WWP2: variants seen among roughly 807,000 people sequenced by gnomAD.
The protein encoded by WWP2 is WW domain containing E3 ubiquitin protein ligase 2.
WWP2 carries 57 observed loss-of-function variants against 121.0 expected under a neutral mutation model. That is an observed-to-expected ratio of 0.47 (90% confidence interval 0.38 to 0.59). The LOEUF (loss-of-function observed/expected upper bound fraction) is 0.59. Ranked by LOEUF, WWP2 falls within the 20% of genes least tolerant of loss-of-function variation. The pLI, the probability that WWP2 is intolerant of heterozygous loss-of-function variation, is 0.00. For missense variants in WWP2, 962 were observed against 1,158.9 expected, an observed-to-expected ratio of 0.83 and a Z score of 2.47; for synonymous variants, 449 against 441.3, an observed-to-expected ratio of 1.02 and a Z score of -0.22.
chr16:69,866,110 A>G (rs1299803883), intron 6 of WWP2, among the ~76,000 whole-genome samples: 1 of 152,150 alleles, frequency 6.6e-6, no homozygotes, highest in African/African-American at 2.4e-5. Flanking sequence ...CTTCTTGGCC[A>G]AGAGGGGGTC....
intron 10 of WWP2, among the ~76,000 whole-genome samples, chr16:69,924,546 A>C (rs1360197549): frequency 6.6e-6 from 1 of 152,170 alleles, no homozygotes; most frequent in Non-Finnish European, 1.5e-5. Context: ...GGTCCACTGC[A>C]GTCCATCCCC....
At chr16:69,816,523 C>G (rs1021905879) in intron 4 of WWP2, among the ~76,000 whole-genome samples, 3 of 149,174 alleles carry the variant, frequency 2.0e-5, no homozygotes, top group Non-Finnish European at 3.0e-5. Flanking sequence ...CATTCTTGAG[C>G]AAGCTAATAA....
intron 8 of WWP2, among the ~76,000 whole-genome samples, chr16:69,892,589 A>G (rs1457744401): frequency 6.6e-6 from 1 of 152,174 alleles, no homozygotes; most frequent in African/African-American, 2.4e-5. Flanking sequence ...GCTGGAGTGC[A>G]GTTGTGCAAT....
chr16:69,841,927 A>G, intron 5 of WWP2, 97 bp from the exon 6 acceptor site: 1 of 1,259,466 alleles, frequency 7.9e-7, no homozygotes, highest in Non-Finnish European at 1.1e-6. Context: ...GGGCAACTCT[A>G]ACACACAGAC....
intron 1 of WWP2, among the ~76,000 whole-genome samples, chr16:69,783,671 C>G (rs1282015877): frequency 6.6e-6 from 1 of 151,974 alleles, no homozygotes; most frequent in East Asian, 1.9e-4. Context: ...TTTGGCCAGG[C>G]TTGGTGGCTC....
At chr16:69,897,462 A>G (rs2058123018) in intron 8 of WWP2, among the ~76,000 whole-genome samples, 1 of 152,100 alleles carries the variant, frequency 6.6e-6, no homozygotes, top group East Asian at 1.9e-4. Flanking sequence ...AGATGTTACC[A>G]GTACAGCTGA....
At position 69,930,358 on chromosome 16, in the gene WWP2, G is replaced by T. The variant is rs879150980; in HGVS notation, c.1445+100G>T. On this transcript the variant is annotated intron_variant, in intron 13 of 23. Transcript: ENST00000359154. ...CCACTTTGGGTGGCCCCTGTGGTGC[G>T]TTCTACTGCCCTTACTGCCCTCTAG... The T allele has an allele frequency of 1.2e-5, 18 of 1,536,970 alleles. 1 individual carries two copies. In the South Asian group the frequency reaches 2.3e-4, roughly 19 times the overall value.
At chr16:69,772,414 T>C (rs2055436651) in intron 1 of WWP2, among the ~76,000 whole-genome samples, 2 of 152,002 alleles carry the variant, frequency 1.3e-5, no homozygotes, top group Admixed American at 1.3e-4. Flanking sequence ...GCCCCAAAAC[T>C]GGGGGTTAGT....
At chr16:69,793,651 C>G (rs1481667959) in intron 2 of WWP2, among the ~76,000 whole-genome samples, 2 of 151,322 alleles carry the variant, frequency 1.3e-5, no homozygotes, top group Non-Finnish European at 2.9e-5. Context: ...CGGGCCCAGG[C>G]AAAGTCAGTA....
At chr16:69,891,384 A>G (rs911245411) in intron 8 of WWP2, among the ~76,000 whole-genome samples, 2 of 152,184 alleles carry the variant, frequency 1.3e-5, no homozygotes, top group African/African-American at 4.8e-5. Flanking sequence ...TTGGAGTGCT[A>G]TCTCTTAGGA....
Position 69,800,629 on chromosome 16 carries a change from A to G in WWP2, c.340+1334A>G, listed in dbSNP as rs1373116264. On this transcript the variant is annotated intron_variant, in intron 4 of 23. Coordinates refer to ENST00000359154, the MANE Select transcript of WWP2 (RefSeq NM_001270454.2). ...GCCCAGGCTGGAGTGTAGTGGTGCAATCTCGGCTCACTGCAACCTCCGCCT... is the reference window on the plus strand; with the variant it reads ...GCCCAGGCTGGAGTGTAGTGGTGCAGTCTCGGCTCACTGCAACCTCCGCCT... Among the ~76,000 whole-genome samples the G allele has an allele frequency of 5.3e-5, 8 of 150,586 alleles. No individual in the cohort carries two copies. In the East Asian group the frequency reaches 1.4e-3, roughly 26 times the overall value.
intron 6 of WWP2, among the ~76,000 whole-genome samples, chr16:69,856,422 C>T: frequency 6.6e-6 from 1 of 151,942 alleles, no homozygotes; most frequent in East Asian, 1.9e-4. Flanking sequence ...CAAATTGTAC[C>T]CTTAGAAAGG....
At chr16:69,804,934 C>G (rs1163395006) in intron 4 of WWP2, among the ~76,000 whole-genome samples, 2 of 152,050 alleles carry the variant, frequency 1.3e-5, no homozygotes, top group African/African-American at 4.8e-5. Context: ...TGTCTTCTAA[C>G]TCAGTATTGT....
chr16:69,908,283 A>G (rs1272570138), intron 8 of WWP2, among the ~76,000 whole-genome samples: 2 of 152,116 alleles, frequency 1.3e-5, no homozygotes, highest in Non-Finnish European at 2.9e-5. Context: ...TGTGACTTTA[A>G]CAGGTTGGGT....
At chr16:69,913,807 C>G (rs560861232) in intron 9 of WWP2, among the ~76,000 whole-genome samples, 9 of 151,776 alleles carry the variant, frequency 5.9e-5, no homozygotes, top group Non-Finnish European at 1.3e-4. Context: ...TGGTGGCTCA[C>G]GCATGTAATC....
At chr16:69,868,952 A>G (rs1343610006) in intron 6 of WWP2, among the ~76,000 whole-genome samples, 2 of 152,072 alleles carry the variant, frequency 1.3e-5, no homozygotes, top group Non-Finnish European at 2.9e-5. Flanking sequence ...CAGTGGTACA[A>G]TCTCGGCTCA....
intron 3 of WWP2, 92 bp downstream of exon 3, chr16:69,798,921 G>A (rs1212552729): frequency 2.0e-6 from 3 of 1,533,812 alleles, no homozygotes; most frequent in African/African-American, 2.8e-5. Context: ...ATTCCCTGTG[G>A]CACCTCCGAC....
At position 69,939,032 on chromosome 16, in the gene WWP2, G is replaced by A. The variant is rs1188572043; in HGVS notation, c.2349G>A (p.Val783=). The A allele has an allele frequency of 3.7e-6, 6 of 1,601,916 alleles. No individual in the cohort carries two copies. Among genetic ancestry groups the A allele is most frequent in the Non-Finnish European group, 5.1e-6 (6 of 1,173,674 alleles). ...SKQIQWFWQV[V]KEMDNEKRIR... is the part of the protein sequence containing the mutation. The stretch of plus-strand genomic sequence containing the variant: ...CTTGACTTGCGGACTTCCAGGTGGT[G>A]AAGGAGATGGACAACGAGAAGAGGA... The change falls in exon 22 of 24, where the codon GTG becomes GTA. Residue 783 remains valine, a synonymous_variant. Transcript: ENST00000359154.
At chr16:69,830,886 C>T (rs539600962) in intron 4 of WWP2, among the ~76,000 whole-genome samples, 5 of 152,168 alleles carry the variant, frequency 3.3e-5, no homozygotes, top group Non-Finnish European at 7.4e-5. Flanking sequence ...TTTCAGGGAA[C>T]TGGGGAATGG....
Sources: gnomAD v4.1 joint callset for allele counts (sites outside exome capture counted in the v4.1 genomes callset) on GRCh38, gnomAD v4.1.1 for gene constraint, MANE v1.5 for transcripts, NCBI Gene and HGNC (gene_info 2026-07-23, HGNC 2026-07-21) for gene names.